GRIN2A: variants seen among roughly 807,000 people sequenced by gnomAD.
GRIN2A encodes glutamate receptor ionotropic, NMDA 2A.
In GRIN2A, 22 loss-of-function variants were observed where a neutral mutation model predicts 113.4. The observed-to-expected ratio is 0.19, with a 90% CI of 0.14 to 0.28. The LOEUF (loss-of-function observed/expected upper bound fraction) is 0.28, where lower values mean the gene tolerates loss of function less well. GRIN2A is among the 10% of genes least tolerant of loss of function. The pLI is 1.00. For synonymous variants in GRIN2A, 827 were observed against 738.4 expected, an observed-to-expected ratio of 1.12 and a Z score of -1.94; for missense variants, 1,502 against 1,887.0, an observed-to-expected ratio of 0.80 and a Z score of 3.78.
chr16:9,964,258 T>A (rs896446384), intron 2 of GRIN2A, among the ~76,000 whole-genome samples: 3 of 152,206 alleles, frequency 2.0e-5, no homozygotes, highest in Non-Finnish European at 4.4e-5. Context: ...ACAGTACAAG[T>A]GTGGCCCTGG....
chr16:9,818,039 C>T (rs752102379), intron 10 of GRIN2A, among the ~76,000 whole-genome samples: 12 of 150,740 alleles, frequency 8.0e-5, no homozygotes, highest in Admixed American at 1.3e-4. Flanking sequence ...TTTTAAGGCT[C>T]GGTGGTAGGT....
Position 9,853,396 on chromosome 16 carries a change from T to G in GRIN2A, c.1123-3435A>C, listed in dbSNP as rs571954554. 2.0e-5 allele frequency among the ~76,000 whole-genome samples: 3 copies of G among 152,254 alleles called. No individual in the cohort carries two copies. The South Asian group carries it at 6.2e-4, about 32-fold the overall frequency. ...GCCCTCATGAATGGGGTTAGTGCTT[T>G]TATGAAAGAGGCCCCAGAGAGACCC... On this transcript the variant is annotated intron_variant, in intron 4 of 12. Coordinates refer to ENST00000330684, the MANE Select transcript of GRIN2A (RefSeq NM_001134407.3).
intron 2 of GRIN2A, among the ~76,000 whole-genome samples, chr16:10,053,268 A>G (rs1245868006): frequency 1.3e-5 from 2 of 152,198 alleles, no homozygotes; most frequent in Admixed American, 6.5e-5. Context: ...AGAGGATCCT[A>G]TGGAAAAGGT....
chr16:9,833,552 C>T (rs2042534339), intron 8 of GRIN2A, among the ~76,000 whole-genome samples: 1 of 152,170 alleles, frequency 6.6e-6, no homozygotes, highest in East Asian at 1.9e-4. Flanking sequence ...ACAAATTGAA[C>T]ATCAGTGGTT....
At chr16:9,987,257 T>C (rs898169232) in intron 2 of GRIN2A, among the ~76,000 whole-genome samples, 1 of 152,266 alleles carries the variant, frequency 6.6e-6, no homozygotes, top group Admixed American at 6.5e-5. Flanking sequence ...TTTTAGGCAT[T>C]AGGCCAATAC....
intron 2 of GRIN2A, chr16:10,121,185 T>TCC (rs2048826320): frequency 9.3e-6 from 1 of 107,608 alleles, no homozygotes; most frequent in Non-Finnish European, 2.1e-5. Context: ...CTCCTACCCC[T>TCC]GACTCCGAGT....
chr16:9,790,940 A>T (rs1902568224), intron 11 of GRIN2A, among the ~76,000 whole-genome samples: 1 of 152,202 alleles, frequency 6.6e-6, no homozygotes, highest in Non-Finnish European at 1.5e-5. Context: ...AATGCAGTGC[A>T]CTCAAGTGGC....
intron 2 of GRIN2A, among the ~76,000 whole-genome samples, chr16:9,977,735 A>C (rs963238557): frequency 1.3e-5 from 2 of 152,140 alleles, no homozygotes; most frequent in African/African-American, 2.4e-5. Flanking sequence ...GTGTGCATGT[A>C]CTCACATGTG....
chr16:9,826,866 C>A lies in GRIN2A; in HGVS notation c.2007+2557G>T, dbSNP rs187250379. ...CCCACAAGTGGTCATGTTATTTAGACCCAAAACTATGTAGTAAGGATTTCC... is the reference window on the plus strand; with the variant it reads ...CCCACAAGTGGTCATGTTATTTAGAACCAAAACTATGTAGTAAGGATTTCC... On this transcript the variant is annotated intron_variant, in intron 9 of 12. Coordinates refer to ENST00000330684, the MANE Select transcript of GRIN2A (RefSeq NM_001134407.3). Among the ~76,000 whole-genome samples, 751 of 152,226 alleles carry A rather than the reference C, an allele frequency of 4.9e-3. 3 individuals are homozygous for A. The highest frequency in any genetic ancestry group is 0.014 in the Middle Eastern group (4 of 294).
chr16:9,769,471 T>C (rs62034912), intron 11 of GRIN2A, among the ~76,000 whole-genome samples: 6 of 104,748 alleles, frequency 5.7e-5, no homozygotes, highest in Non-Finnish European at 1.1e-4. Flanking sequence ...TTTTTTTTTT[T>C]GGTCATTATT....
chr16:9,901,364 C>CG (rs1189975113), intron 3 of GRIN2A, among the ~76,000 whole-genome samples: 1 of 152,156 alleles, frequency 6.6e-6, no homozygotes, highest in Non-Finnish European at 1.5e-5. Context: ...GAGGAAAGGT[C>CG]GGGGGTGATA....
At chr16:9,902,771 A>G (rs1478479499) in intron 3 of GRIN2A, among the ~76,000 whole-genome samples, 1 of 151,580 alleles carries the variant, frequency 6.6e-6, no homozygotes, top group African/African-American at 2.4e-5. Flanking sequence ...TGAATACACA[A>G]TGCATTTGGT....
chr16:9,782,040 G>C (rs1014904535), intron 11 of GRIN2A, among the ~76,000 whole-genome samples: 2 of 152,088 alleles, frequency 1.3e-5, no homozygotes, highest in African/African-American at 4.8e-5. Flanking sequence ...CAAGTAACAG[G>C]GATCAGGAGA....
intron 2 of GRIN2A, among the ~76,000 whole-genome samples, chr16:10,079,834 G>T (rs7185066): frequency 6.6e-6 from 1 of 152,194 alleles, no homozygotes; most frequent in Non-Finnish European, 1.5e-5. Flanking sequence ...GGGAAGAAGT[G>T]ACAGAAAGAA....
chr16:10,058,891 A>C (rs1289463065), intron 2 of GRIN2A, among the ~76,000 whole-genome samples: 1 of 152,266 alleles, frequency 6.6e-6, no homozygotes, highest in African/African-American at 2.4e-5. Flanking sequence ...ACAGTCAATA[A>C]GCAGATAAAC....
At chr16:9,792,998 C>T (rs1293081756) in intron 11 of GRIN2A, among the ~76,000 whole-genome samples, 1 of 152,190 alleles carries the variant, frequency 6.6e-6, no homozygotes, top group African/African-American at 2.4e-5. Context: ...TGCTGGGTCT[C>T]AGGCTCCACC....
At chr16:9,880,998 A>G (rs188518710) in intron 4 of GRIN2A, among the ~76,000 whole-genome samples, 7 of 152,328 alleles carry the variant, frequency 4.6e-5, no homozygotes, top group African/African-American at 1.4e-4. Flanking sequence ...CAACCCTCAG[A>G]TATGACTTGC....
At chr16:9,831,585 G>A (rs1404725139) in intron 8 of GRIN2A, among the ~76,000 whole-genome samples, 1 of 145,298 alleles carries the variant, frequency 6.9e-6, no homozygotes, top group Non-Finnish European at 1.5e-5. Flanking sequence ...GCACAATCTC[G>A]GCTCACTGCA....
At chr16:10,036,414 C>T (rs1250631220) in intron 2 of GRIN2A, among the ~76,000 whole-genome samples, 4 of 141,878 alleles carry the variant, frequency 2.8e-5, no homozygotes, top group Non-Finnish European at 6.1e-5. Context: ...CTATTTATGC[C>T]ATAATAAAAA....
Sources: gnomAD v4.1 joint callset for allele counts (sites outside exome capture counted in the v4.1 genomes callset) on GRCh38, gnomAD v4.1.1 for gene constraint, MANE v1.5 for transcripts, NCBI Gene and HGNC (gene_info 2026-07-23, HGNC 2026-07-21) for gene names.